UNC13C: variants seen among roughly 807,000 people sequenced by gnomAD.
UNC13C encodes protein unc-13 homolog C.
A neutral mutation model predicts 245.4 loss-of-function variants in UNC13C; 174 were observed. The observed-to-expected ratio is 0.71, with a 90% CI of 0.63 to 0.80. UNC13C has a LOEUF of 0.80. Among genes scored for constraint, UNC13C ranks in the 30% least tolerant of loss-of-function variants. The probability of loss-of-function intolerance (pLI) is 0.00; values close to 1 mark genes in which losing one functional copy is unlikely to be tolerated. For missense variants in UNC13C, 2,829 were observed against 2,602.9 expected (o/e 1.09, Z -1.89); for synonymous variants, 992 against 895.1 (o/e 1.11, Z -1.93).
the UNC13C span, among the ~76,000 whole-genome samples, chr15:53,950,835 A>C: frequency 6.6e-6 from 1 of 152,236 alleles, no homozygotes; most frequent in East Asian, 1.9e-4. Context: ...ATCTGTGTTC[A>C]AAGAGGGTTT....
chr15:54,009,550 C>CTT (rs958989518), intron 1 of UNC13C, among the ~76,000 whole-genome samples: 4 of 144,206 alleles, frequency 2.8e-5, no homozygotes, highest in East Asian at 2.1e-4. Flanking sequence ...TCTTCTTCTT[C>CTT]TTTTTTTTTT....
In UNC13C at chr15:54,627,999, A is replaced by G. The variant is rs951609500; in HGVS notation, c.*886A>G. 6.6e-6 allele frequency: 1 copy of G among 152,424 alleles called. No individual in the cohort carries two copies. The highest frequency in any genetic ancestry group is 2.4e-5 in the African/African-American group (1 of 41,468). The allele number at this position is 152,424 out of a possible 1,614,324, so 9.4% of individuals were successfully genotyped here. Reference sequence around the variant, plus strand: ...AGTTCAATGCTTTATTTTTAAAAATATTCAATGATTAGTATTGAATGCAGC... The same window carrying G: ...AGTTCAATGCTTTATTTTTAAAAATGTTCAATGATTAGTATTGAATGCAGC... On this transcript the variant is annotated 3_prime_UTR_variant, in exon 33 of 33. Transcript: ENST00000260323.
intron 2 of UNC13C, among the ~76,000 whole-genome samples, chr15:54,127,221 T>C (rs1363153566): frequency 4.6e-5 from 7 of 152,134 alleles, no homozygotes; most frequent in Admixed American, 3.9e-4. Flanking sequence ...ACCCAAAGGA[T>C]TATAAATCAT....
the UNC13C span, among the ~76,000 whole-genome samples, chr15:53,906,987 C>CT: frequency 6.6e-6 from 1 of 152,044 alleles, no homozygotes; most frequent in Non-Finnish European, 1.5e-5. Flanking sequence ...CCAACCACCC[C>CT]CCTCTCTCGA....
chr15:54,552,622 T>A (rs1199064247), intron 28 of UNC13C, among the ~76,000 whole-genome samples: 1 of 70,836 alleles, frequency 1.4e-5, no homozygotes, highest in African/African-American at 7.0e-5. Context: ...ATAATTATAT[T>A]ATATATTGTA....
At chr15:53,840,876 T>C in the UNC13C span, among the ~76,000 whole-genome samples, 1 of 152,138 alleles carries the variant, frequency 6.6e-6, no homozygotes, top group African/African-American at 2.4e-5. Context: ...ATAGGAGTAA[T>C]CATGGAATGT....
At chr15:54,457,045 A>G (rs980544344) in intron 19 of UNC13C, among the ~76,000 whole-genome samples, 3 of 152,248 alleles carry the variant, frequency 2.0e-5, no homozygotes, top group Admixed American at 6.5e-5. Context: ...ACCTTAAAAT[A>G]TGTCCCTTCT....
chr15:54,571,287 T>C (rs1214583097), intron 30 of UNC13C, among the ~76,000 whole-genome samples: 4 of 152,190 alleles, frequency 2.6e-5, no homozygotes, highest in African/African-American at 9.6e-5. Context: ...CAAAGGCATG[T>C]CTTACATGGT....
At chr15:54,279,117 C>T (rs1303937516) in intron 10 of UNC13C, among the ~76,000 whole-genome samples, 2 of 152,078 alleles carry the variant, frequency 1.3e-5, no homozygotes, top group African/African-American at 2.4e-5. Context: ...CAGATGAGTA[C>T]CAGTGCCAAA....
chr15:54,597,589 C>T (rs181195235), intron 30 of UNC13C, among the ~76,000 whole-genome samples: 45 of 152,164 alleles, frequency 3.0e-4, no homozygotes, highest in African/African-American at 5.8e-4. Context: ...AGAGAGTACC[C>T]GCTGTGTAAA....
intron 2 of UNC13C, among the ~76,000 whole-genome samples, chr15:54,037,800 G>A (rs1445867456): frequency 1.3e-5 from 2 of 151,714 alleles, no homozygotes. Context: ...GTGCTGTTAT[G>A]GAGTACATTC....
the UNC13C span, among the ~76,000 whole-genome samples, chr15:53,906,602 C>A: frequency 3.9e-5 from 6 of 152,324 alleles, no homozygotes; most frequent in African/African-American, 1.4e-4. Flanking sequence ...TCAGCCAGGA[C>A]AATTGAATTT....
intron 2 of UNC13C, among the ~76,000 whole-genome samples, chr15:54,076,303 C>T (rs1481827823): frequency 3.6e-5 from 5 of 138,284 alleles, no homozygotes; most frequent in Non-Finnish European, 7.7e-5. Context: ...ATTCCCCTTC[C>T]TGTGTCCATG....
intron 4 of UNC13C, among the ~76,000 whole-genome samples, chr15:54,227,714 A>G (rs2035431771): frequency 6.6e-6 from 1 of 152,196 alleles, no homozygotes; most frequent in African/African-American, 2.4e-5. Flanking sequence ...CGGGCCCCCA[A>G]GAGCTCAGGG....
At chr15:54,346,944 A>G (rs961921543) in intron 17 of UNC13C, among the ~76,000 whole-genome samples, 1 of 152,184 alleles carries the variant, frequency 6.6e-6, no homozygotes, top group Non-Finnish European at 1.5e-5. Flanking sequence ...TAAAAAATAA[A>G]ATTTCAAACA....
At chr15:54,039,171 A>G (rs1452431744) in intron 2 of UNC13C, among the ~76,000 whole-genome samples, 1 of 152,060 alleles carries the variant, frequency 6.6e-6, no homozygotes, top group Non-Finnish European at 1.5e-5. Context: ...GATTGTTTGT[A>G]ATTTTTCTTC....
chr15:54,058,093 G>A (rs570199918), intron 2 of UNC13C, among the ~76,000 whole-genome samples: 1 of 151,674 alleles, frequency 6.6e-6, no homozygotes, highest in Non-Finnish European at 1.5e-5. Flanking sequence ...CTAGCAGAAG[G>A]CAAGAAATAA....
chr15:54,321,229 G>T (rs1010496646), intron 13 of UNC13C: 7 of 491,020 alleles, frequency 1.4e-5, no homozygotes, highest in South Asian at 6.1e-5. Flanking sequence ...GTCATCAAAG[G>T]TTACACAAGC....
chr15:53,954,288 T>G, the UNC13C span, among the ~76,000 whole-genome samples: 2 of 152,208 alleles, frequency 1.3e-5, no homozygotes, highest in South Asian at 4.1e-4. Flanking sequence ...CCCACTAGAG[T>G]GTGTGCTTCC....
Sources: gnomAD v4.1 joint callset for allele counts (sites outside exome capture counted in the v4.1 genomes callset) on GRCh38, gnomAD v4.1.1 for gene constraint, MANE v1.5 for transcripts, NCBI Gene and HGNC (gene_info 2026-07-23, HGNC 2026-07-21) for gene names.